Variants in GRID1 observed in about 807,000 individuals in gnomAD.
GRID1 encodes glutamate ionotropic receptor delta type subunit 1.
A neutral mutation model predicts 98.0 loss-of-function variants in GRID1; 28 were observed. The observed-to-expected ratio is 0.29, with a 90% CI of 0.21 to 0.39. The LOEUF (loss-of-function observed/expected upper bound fraction) is 0.39, where lower values mean the gene tolerates loss of function less well. Among genes scored for constraint, GRID1 ranks in the 10% least tolerant of loss-of-function variants. The probability of loss-of-function intolerance (pLI) is 1.00; values close to 1 mark genes in which losing one functional copy is unlikely to be tolerated. For synonymous variants in GRID1, 553 were observed against 538.5 expected, an observed-to-expected ratio of 1.03 and a Z score of -0.37; for missense variants, 1,111 against 1,340.5, an observed-to-expected ratio of 0.83 and a Z score of 2.67.
intron 2 of GRID1, among the ~76,000 whole-genome samples, chr10:86,280,820 A>C (rs901900619): frequency 2.0e-5 from 3 of 151,938 alleles, no homozygotes; most frequent in Admixed American, 2.0e-4. Flanking sequence ...ATATCCATGT[A>C]TTTTCTCTCC....
At chr10:85,900,652 T>C (rs1359891779) in intron 5 of GRID1, among the ~76,000 whole-genome samples, 1 of 152,210 alleles carries the variant, frequency 6.6e-6, no homozygotes, top group East Asian at 1.9e-4. Flanking sequence ...GAACTTGAAC[T>C]GTAGAGGATC....
intron 8 of GRID1, among the ~76,000 whole-genome samples, chr10:85,734,938 A>G (rs76259323): frequency 0.054 from 8,290 of 152,270 alleles, 284 homozygotes; most frequent in East Asian, 0.088. Context: ...AGAGACATGC[A>G]TCCCTCCCCC....
intron 2 of GRID1, among the ~76,000 whole-genome samples, chr10:86,317,551 A>AC (rs1847916406): frequency 6.6e-6 from 1 of 152,002 alleles, no homozygotes; most frequent in Admixed American, 6.6e-5. Context: ...GCATCCTTGC[A>AC]CCCCACTTCT....
chr10:85,950,777 A>G (rs1467240863), intron 4 of GRID1, among the ~76,000 whole-genome samples: 1 of 152,090 alleles, frequency 6.6e-6, no homozygotes, highest in East Asian at 1.9e-4. Context: ...TCCCAGAACA[A>G]AGGCTACAGT....
At chr10:85,838,986 G>A (rs1463649493) in intron 8 of GRID1, among the ~76,000 whole-genome samples, 2 of 152,066 alleles carry the variant, frequency 1.3e-5, no homozygotes, top group African/African-American at 2.4e-5. Context: ...AAAAGCAGAG[G>A]TTGTAATCCT....
intron 4 of GRID1, among the ~76,000 whole-genome samples, chr10:86,093,083 C>A (rs1350474819): frequency 6.6e-6 from 1 of 152,198 alleles, no homozygotes; most frequent in Non-Finnish European, 1.5e-5. Context: ...AAGGAACCTT[C>A]AAAACCATGC....
intron 4 of GRID1, among the ~76,000 whole-genome samples, chr10:85,936,941 T>C (rs1027932627): frequency 2.0e-5 from 3 of 152,200 alleles, no homozygotes; most frequent in Non-Finnish European, 4.4e-5. Context: ...AAATAATGCT[T>C]TTGTTTCCTA....
chr10:85,692,394 G>A (rs1261384352), intron 12 of GRID1, among the ~76,000 whole-genome samples: 1 of 152,146 alleles, frequency 6.6e-6, no homozygotes, highest in Non-Finnish European at 1.5e-5. Flanking sequence ...GGGTGCAGTG[G>A]CTCATAGCTA....
intron 4 of GRID1, among the ~76,000 whole-genome samples, chr10:86,067,816 T>C (rs939336767): frequency 7.9e-5 from 12 of 152,242 alleles, no homozygotes; most frequent in African/African-American, 2.4e-4. Flanking sequence ...GCCATTCCTA[T>C]GCCAGAGCTC....
chr10:85,841,342 A>G (rs1048250298), intron 8 of GRID1, among the ~76,000 whole-genome samples: 1 of 152,192 alleles, frequency 6.6e-6, no homozygotes, highest in Non-Finnish European at 1.5e-5. Flanking sequence ...CTCAATATGG[A>G]TTAAAAATTT....
rs79008354 is a variant in GRID1, at chr10:86,112,205, C to T, written c.726+26614G>A. ...ACCTAGGACCCCAGGTCAAGCCAGG[C>T]CAGCCAGGAGCAGGCAGGCTTAGCA... On this transcript the variant is annotated intron_variant, in intron 4 of 15. Coordinates refer to ENST00000327946, the MANE Select transcript of GRID1 (RefSeq NM_017551.3). 4.7e-3 allele frequency among the ~76,000 whole-genome samples: 721 copies of T among 152,300 alleles called. 11 individuals carry two copies. Among genetic ancestry groups the T allele is most frequent in the African/African-American group, 0.017 (698 of 41,560 alleles).
chr10:85,746,864 A>T (rs1206743265), intron 8 of GRID1, among the ~76,000 whole-genome samples: 1 of 152,164 alleles, frequency 6.6e-6, no homozygotes, highest in Non-Finnish European at 1.5e-5. Context: ...TAAGCTGTTA[A>T]ATGTTGGGGT....
At chr10:86,063,191 G>C (rs1433405709) in intron 4 of GRID1, among the ~76,000 whole-genome samples, 1 of 152,242 alleles carries the variant, frequency 6.6e-6, no homozygotes, top group Non-Finnish European at 1.5e-5. Flanking sequence ...CTTATCAAAA[G>C]CAAGGAGAAA....
chr10:86,123,936 G>A (rs563460611), intron 4 of GRID1, among the ~76,000 whole-genome samples: 6 of 152,296 alleles, frequency 3.9e-5, no homozygotes, highest in Admixed American at 3.9e-4. Context: ...CCACACCAAG[G>A]GCCCATGCAG....
intron 2 of GRID1, among the ~76,000 whole-genome samples, chr10:86,356,733 A>T (rs1848538602): frequency 1.3e-5 from 2 of 152,252 alleles, no homozygotes; most frequent in African/African-American, 4.8e-5. Flanking sequence ...GGAAACACAG[A>T]ACAAAACCAA....
intron 4 of GRID1, among the ~76,000 whole-genome samples, chr10:86,056,144 CCA>C (rs1843569164): frequency 1.3e-5 from 2 of 152,160 alleles, no homozygotes; most frequent in South Asian, 4.2e-4. Flanking sequence ...AATTTCTCAG[CCA>C]CACCCTTGGG....
At position 85,856,030 on chromosome 10, in the gene GRID1, T is replaced by A. The variant is rs772338430; in HGVS notation, c.1112A>T (p.Lys371Met). The A allele has an allele frequency of 6.2e-7, 1 of 1,613,500 alleles. No homozygotes were observed. Among genetic ancestry groups the A allele is most frequent in the Non-Finnish European group, 8.5e-7 (1 of 1,179,900 alleles). Residue 371 changes from lysine (K) to methionine (M), a missense_variant and splice_region_variant, in exon 7 of 16, where the codon AAG (lysine) becomes ATG (methionine). Coordinates refer to ENST00000327946, the MANE Select transcript of GRID1 (RefSeq NM_017551.3). The stretch of plus-strand genomic sequence containing the variant: ...TTGGGGGTGCCCCCTCACACGTACC[T>A]TTTTGATGGTATCCAGCATGGACCT... ...GGRSMLDTIK[K>M]GHITGLTGVM...
In GRID1 at chr10:86,345,670, T is replaced by C. The variant is rs1019741030; in HGVS notation, c.235+18271A>G. Among the ~76,000 whole-genome samples, 7 of 152,128 alleles carry C rather than the reference T, an allele frequency of 4.6e-5. No individual in the cohort carries two copies. The South Asian group carries it at 8.3e-4, about 18-fold the overall frequency. On this transcript the variant is annotated intron_variant, in intron 2 of 15. Coordinates refer to ENST00000327946, the MANE Select transcript of GRID1 (RefSeq NM_017551.3). ...ATTCTGCCATCCCCACAGGCCTCTC[T>C]CCTCACAGCTTAAGGGCCTAGATGG...
intron 2 of GRID1, among the ~76,000 whole-genome samples, chr10:86,302,207 A>C (rs1322924229): frequency 1.3e-5 from 2 of 152,212 alleles, no homozygotes; most frequent in African/African-American, 4.8e-5. Flanking sequence ...CTGGACATGA[A>C]CAGCAGCTCC....
Sources: allele counts gnomAD v4.1 joint callset (sites outside exome capture counted in the v4.1 genomes callset), GRCh38; gene constraint gnomAD v4.1.1; transcripts MANE v1.5; gene names NCBI Gene and HGNC (gene_info 2026-07-23, HGNC 2026-07-21).